USP7: variants seen among roughly 807,000 people sequenced by gnomAD.
USP7 encodes ubiquitin C-terminal hydrolase 7.
In USP7, 9 loss-of-function variants were observed where a neutral mutation model predicts 162.9. The observed-to-expected ratio is 0.06, with a 90% CI of 0.03 to 0.10. The LOEUF is 0.10. Among genes scored for constraint, USP7 ranks in the 10% least tolerant of loss-of-function variants. The probability of loss-of-function intolerance (pLI) is 1.00; values close to 1 mark genes in which losing one functional copy is unlikely to be tolerated. For synonymous variants in USP7, 562 were observed against 475.9 expected (o/e 1.18, Z -2.35); for missense variants, 715 against 1,373.7 (o/e 0.52, Z 7.58).
chr16:8,961,207 C>T (rs1454177805), intron 1 of USP7, among the ~76,000 whole-genome samples: 2 of 152,026 alleles, frequency 1.3e-5, no homozygotes, highest in Non-Finnish European at 2.9e-5. Context: ...TAAAAGCAAA[C>T]ACCGGCCAGG....
intron 2 of USP7, among the ~76,000 whole-genome samples, chr16:8,924,296 T>G (rs924259274): frequency 6.6e-6 from 1 of 152,262 alleles, no homozygotes; most frequent in Non-Finnish European, 1.5e-5. Context: ...CAATCTGTTA[T>G]TGACCAATAC....
chr16:8,898,521 G>T lies in USP7; in HGVS notation c.2640+10C>A. ...TTATGACCCATAGTTACATTAATTT[G>T]GACTCATACCTGCTGATAGTAAAGT... is the stretch of plus-strand genomic sequence containing the variant. On this transcript the variant is annotated intron_variant, in intron 24 of 30. Coordinates refer to ENST00000344836, the MANE Select transcript of USP7 (RefSeq NM_003470.3). 1.2e-6 allele frequency: 2 copies of T among 1,607,262 alleles called. No homozygotes were observed. The highest frequency in any genetic ancestry group is 1.7e-6 in the Non-Finnish European group (2 of 1,176,958).
chr16:8,938,445 G>A (rs944277791), intron 1 of USP7, among the ~76,000 whole-genome samples: 2 of 152,128 alleles, frequency 1.3e-5, no homozygotes, highest in Admixed American at 6.5e-5. Flanking sequence ...GGGCACGGTG[G>A]CTTACACCTG....
chr16:8,902,328 G>A (rs2061787432), intron 17 of USP7, 53 bp downstream of exon 17: 5 of 1,594,012 alleles, frequency 3.1e-6, no homozygotes, highest in Non-Finnish European at 4.3e-6. Flanking sequence ...AAGTGCAGAG[G>A]ACTAACGCCT....
intron 1 of USP7, among the ~76,000 whole-genome samples, chr16:8,948,049 G>A (rs976250162): frequency 6.6e-6 from 1 of 152,178 alleles, no homozygotes; most frequent in Non-Finnish European, 1.5e-5. Context: ...ACCACCTCTC[G>A]AAGACTGCAT....
chr16:8,938,288 A>G (rs548426764), intron 1 of USP7, among the ~76,000 whole-genome samples: 1 of 152,216 alleles, frequency 6.6e-6, no homozygotes, highest in Non-Finnish European at 1.5e-5. Flanking sequence ...TTTCTTGATT[A>G]AACTTTGAGA....
chr16:8,963,238 C>G lies in USP7; in HGVS notation c.48G>C (p.Gln16His). 1 of 1,401,624 alleles carries G rather than the reference C, an allele frequency of 7.1e-7. No individual in the cohort carries two copies. Among genetic ancestry groups the G allele is most frequent in the East Asian group, 3.5e-5 (1 of 28,574 alleles). The allele number at this position is 1,401,624 out of a possible 1,614,324, so 86.8% of individuals were successfully genotyped here. ...TCTCCATGTCCTCGGGCTCGCTCAA[C>G]TGCTGCTCGCCCGCTTTCTGCTGCT... is the stretch of plus-strand genomic sequence containing the variant. ...QQQQQKAGEQQLSEPEDMEME... is the reference protein window; with the variant it reads ...QQQQQKAGEQHLSEPEDMEME... The change falls in exon 1 of 31, where the codon CAG becomes CAC. Residue 16 changes from glutamine (Q) to histidine (H), a missense_variant. By Grantham distance (24) the Gln-to-His change is conservative. Around this residue, in one of 11 missense-constraint regions of USP7, gnomAD observed 137 missense variants for 123.5 expected, o/e 1.11. Transcript: ENST00000344836.
At chr16:8,946,479 G>A (rs948857435) in intron 1 of USP7, among the ~76,000 whole-genome samples, 2 of 152,196 alleles carry the variant, frequency 1.3e-5, no homozygotes, top group African/African-American at 4.8e-5. Context: ...GAAAGAAGCT[G>A]TTAAGTGAAT....
chr16:8,923,554 A>T, intron 2 of USP7, 141 bp from the exon 3 acceptor site: 1 of 858,162 alleles, frequency 1.2e-6, no homozygotes, highest in Non-Finnish European at 1.8e-6. Flanking sequence ...CTTCCAATTT[A>T]TTAAAACCCG....
chr16:8,927,335 AG>A (rs1898066576), intron 2 of USP7, among the ~76,000 whole-genome samples: 1 of 152,116 alleles, frequency 6.6e-6, no homozygotes, highest in South Asian at 2.1e-4. Flanking sequence ...AAAAAAAGAA[AG>A]AAAGTTAAAG....
intron 1 of USP7, chr16:8,949,429 G>C (rs1028730436): frequency 6.6e-6 from 1 of 152,174 alleles, no homozygotes; most frequent in Admixed American, 6.6e-5. Flanking sequence ...CAACCTCAAA[G>C]TCTAGTGGAG....
At chr16:8,924,876 C>G (rs1378541080) in intron 2 of USP7, among the ~76,000 whole-genome samples, 2 of 152,204 alleles carry the variant, frequency 1.3e-5, no homozygotes, top group Non-Finnish European at 2.9e-5. Context: ...GAGTTGCTTA[C>G]AGCACAGGAA....
intron 10 of USP7, among the ~76,000 whole-genome samples, chr16:8,912,692 C>A (rs141818560): frequency 0.016 from 2,373 of 150,838 alleles, 22 homozygotes; most frequent in Non-Finnish European, 0.023. Context: ...GAGGCCAAGG[C>A]GGGCAGACTG....
chr16:8,960,499 A>C (rs1899967861), intron 1 of USP7, among the ~76,000 whole-genome samples: 1 of 152,186 alleles, frequency 6.6e-6, no homozygotes. Flanking sequence ...AAAACAAACG[A>C]AACAGTCTCC....
At chr16:8,936,758 G>C in intron 1 of USP7, 2 of 1,326,110 alleles carry the variant, frequency 1.5e-6, no homozygotes, top group South Asian at 3.6e-5. Context: ...CTTGTCTTTA[G>C]GACCAGAAAC....
chr16:8,932,853 T>A (rs1898450687), intron 1 of USP7, among the ~76,000 whole-genome samples: 1 of 151,924 alleles, frequency 6.6e-6, no homozygotes, highest in Non-Finnish European at 1.5e-5. Flanking sequence ...AGAAGTAACA[T>A]GTATATTTAA....
At chr16:8,918,358 T>A (rs1197147093) in intron 6 of USP7, among the ~76,000 whole-genome samples, 1 of 152,238 alleles carries the variant, frequency 6.6e-6, no homozygotes, top group Non-Finnish European at 1.5e-5. Flanking sequence ...AGATTTAATG[T>A]ATGTCTATTC....
Position 8,952,835 on chromosome 16 carries a change from T to A in USP7, c.79+10372A>T, listed in dbSNP as rs566938657. Among the ~76,000 whole-genome samples, 3 of 148,590 alleles carry A rather than the reference T, an allele frequency of 2.0e-5. No individual in the cohort carries two copies. The South Asian group carries it at 6.3e-4, about 31-fold the overall frequency. Reference sequence around the variant, plus strand: ...CCACCCCTCCCGCCTGTGACCACACTCGCTTTTTTTTTTTTAAGACGGAGT... The same window carrying A: ...CCACCCCTCCCGCCTGTGACCACACACGCTTTTTTTTTTTTAAGACGGAGT... On this transcript the variant is annotated intron_variant, in intron 1 of 30. Transcript: ENST00000344836.
At chr16:8,901,821 G>T (rs1314492427) in intron 18 of USP7, 8 of 466,224 alleles carry the variant, frequency 1.7e-5, no homozygotes, top group Admixed American at 3.9e-5. Flanking sequence ...TCTGACCAAC[G>T]TGATTAGCAC....
Sources: allele counts gnomAD v4.1 joint callset (sites outside exome capture counted in the v4.1 genomes callset), GRCh38; gene constraint gnomAD v4.1.1; regional missense constraint gnomAD v4.1.1; transcripts MANE v1.5; gene names NCBI Gene and HGNC (gene_info 2026-07-23, HGNC 2026-07-21).